Variants in MICAL1 observed in about 807,000 individuals in gnomAD.
MICAL1 encodes microtubule associated monooxygenase, calponin and LIM domain containing 1.
MICAL1 carries 95 observed loss-of-function variants against 131.8 expected under a neutral mutation model. That is an observed-to-expected ratio of 0.72 (90% CI 0.61 to 0.86). The LOEUF (loss-of-function observed/expected upper bound fraction) is 0.86, where lower values mean the gene tolerates loss of function less well. MICAL1 is among the 40% of genes least tolerant of loss of function. The pLI, the probability that MICAL1 is intolerant of heterozygous loss-of-function variation, is 0.00. For synonymous variants in MICAL1, 546 were observed against 554.2 expected (o/e 0.99, Z 0.21); for missense variants, 1,292 against 1,380.6 (o/e 0.94, Z 1.02).
In MICAL1 at chr6:109,454,014, C is replaced by G. The variant is rs1481579931; in HGVS notation, c.183G>C (p.Lys61Asn). 6.2e-7 allele frequency: 1 copy of G among 1,614,156 alleles called. No homozygotes were observed. The highest frequency in any genetic ancestry group is 1.7e-5 in the Admixed American group (1 of 60,034). The change falls in exon 2 of 25, where the codon AAG (lysine) becomes AAC (asparagine). Residue 61 changes from lysine (K) to asparagine (N), a missense_variant. By Grantham distance (94) the Lys-to-Asn change is moderately conservative. Coordinates refer to ENST00000358807, the MANE Select transcript of MICAL1 (RefSeq NM_022765.4). ...IKDQLNYWSA[K>N]SLWTKLDKRA... ...GCTTGTCCAGCTTGGTCCACAGTGA[C>G]TTGGCGCTCCAGTAGTTGAGCTGGT... is the stretch of plus-strand genomic sequence containing the variant.
chr6:109,447,201 C>G lies in MICAL1; in HGVS notation c.2099G>C (p.Cys700Ser). 1.9e-6 allele frequency: 3 copies of G among 1,614,114 alleles called. No homozygotes were observed. The highest frequency in any genetic ancestry group is 1.6e-4 in the Middle Eastern group (1 of 6,062). Reference sequence around the variant, plus strand: ...TTCCAGGACATAGAGGTGTTCCCCACAAAGTGCACACAGGTCCCCAGCACC... The same window carrying G: ...TTCCAGGACATAGAGGTGTTCCCCAGAAAGTGCACACAGGTCCCCAGCACC... The part of the protein sequence containing the change: ...EAGAGDLCAL[C>S]GEHLYVLERL... Residue 700 changes from cysteine to serine, a missense_variant, in exon 17 of 25, where the codon TGT becomes TCT. Transcript: ENST00000358807.
chr6:109,449,498 C>G lies in MICAL1; in HGVS notation c.1435-17G>C, dbSNP rs765808784. On this transcript the variant is annotated splice_polypyrimidine_tract_variant and intron_variant, in intron 10 of 24. Transcript: ENST00000358807. ...GTCTCGTACCTAAGGCAGCCCCGCT[C>G]AGGTCTCAAGGCAGGCTGGCCACAC... The G allele has an allele frequency of 3.7e-6, 6 of 1,614,046 alleles. No homozygotes were observed. Among genetic ancestry groups the G allele is most frequent in the Non-Finnish European group, 1.7e-6 (2 of 1,180,006 alleles).
intron 16 of MICAL1, 27 bp downstream of exon 16, chr6:109,447,330 T>G: frequency 6.2e-7 from 1 of 1,613,606 alleles, no homozygotes; most frequent in African/African-American, 1.3e-5. Context: ...CCCGGGCCTC[T>G]GCCTGCACAC....
chr6:109,449,650 G>T lies in MICAL1; in HGVS notation c.1434+7C>A. The T allele has an allele frequency of 6.3e-7, 1 of 1,584,532 alleles. No individual in the cohort carries two copies. The highest frequency in any genetic ancestry group is 8.6e-7 in the Non-Finnish European group (1 of 1,165,344). ...GGGAAGGCTGGTGGGTGTGTCGGGG[G>T]TCTGACCTGATTGGGGGTCACTGCC... On this transcript the variant is annotated splice_region_variant and intron_variant, in intron 10 of 24. Coordinates refer to ENST00000358807, the MANE Select transcript of MICAL1 (RefSeq NM_022765.4).
chr6:109,450,215 G>A, intron 8 of MICAL1, 85 bp downstream of exon 8: 1 of 1,564,420 alleles, frequency 6.4e-7, no homozygotes, highest in South Asian at 1.2e-5. Context: ...CCTCCCCTCT[G>A]CAGGCAGACC....
chr6:109,456,208 C>G (rs116729144), upstream of MICAL1, among the ~76,000 whole-genome samples: 2,559 of 152,336 alleles, frequency 0.017, 83 homozygotes, highest in African/African-American at 0.059. Context: ...CCCGCCCCCG[C>G]CGCGGTCCCA....
At chr6:109,460,442 AAAG>A (rs1465447771), upstream of MICAL1, among the ~76,000 whole-genome samples, 3 of 151,620 alleles carry the variant, frequency 2.0e-5, no homozygotes, top group Non-Finnish European at 4.4e-5. Context: ...AAAAAAAAAA[AAAG>A]AAATGTAATC....
chr6:109,461,185 T>TAGGGAAA (rs1775880136), intron 1 of MICAL1, among the ~76,000 whole-genome samples: 1 of 145,080 alleles, frequency 6.9e-6, no homozygotes, highest in Non-Finnish European at 1.5e-5. Flanking sequence ...AATTCCCATC[T>TAGGGAAA]ATGAGTGAGA....
At position 109,453,655 on chromosome 6, in the gene MICAL1, C is replaced by T. The variant is rs754999747; in HGVS notation, c.449G>A (p.Gly150Asp). ...AKKFYGRFCT[G>D]TLDHISIRQL... is the part of the protein sequence containing the mutation. ...GTGCTCACTGATGTGGTCCAGGGTG[C>T]CGGTGCAGAAGCGCCCGTAGAACTT... Residue 150 changes from glycine (G) to aspartate (D), a missense_variant, in exon 3 of 25, where the codon GGC becomes GAC. Transcript: ENST00000358807. 17 of 1,606,052 alleles carry T rather than the reference C, an allele frequency of 1.1e-5. No individual in the cohort carries two copies. The highest frequency in any genetic ancestry group is 1.4e-5 in the Non-Finnish European group (16 of 1,176,430).
intron 7 of MICAL1, 82 bp from the exon 8 acceptor site, chr6:109,450,639 G>T (rs1380974021): frequency 1.4e-6 from 2 of 1,464,604 alleles, no homozygotes; most frequent in African/African-American, 1.4e-5. Context: ...GGCGCAGAAG[G>T]TGCACATCCT....
In MICAL1 at chr6:109,449,427, TGTC is replaced by T. The variant is rs1440579294; in HGVS notation, c.1486_1488del (p.Asp496del). 3 of 1,614,218 alleles carry T rather than the reference TGTC, an allele frequency of 1.9e-6. No homozygotes were observed. The highest frequency in any genetic ancestry group is 2.5e-6 in the Non-Finnish European group (3 of 1,180,046). On this transcript the variant is annotated inframe_deletion, in exon 11 of 25. Transcript: ENST00000358807. ...GTGGCTGGCATCCCTGTATCTGTCT[TGTC>T]GTTGTTCCTCTGCACAGGCTCCTTG...
At position 109,449,582 on chromosome 6, in the gene MICAL1, G is replaced by A. The variant is rs1775421384; in HGVS notation, c.1434+75C>T. 10 of 1,602,320 alleles carry A rather than the reference G, an allele frequency of 6.2e-6. No individual in the cohort carries two copies. In the South Asian group the frequency reaches 9.9e-5, roughly 16 times the overall value. On this transcript the variant is annotated intron_variant, in intron 10 of 24. Transcript: ENST00000358807. Reference sequence around the variant, plus strand: ...GGTAGGATTGACCCCAAAGGGCAGCGACTGGGCAGGGAGGGCCTGACCTGG... The same window carrying A: ...GGTAGGATTGACCCCAAAGGGCAGCAACTGGGCAGGGAGGGCCTGACCTGG...
intron 13 of MICAL1, 62 bp downstream of exon 13, chr6:109,448,133 TCACACACA>T (rs3054663): frequency 0.39 from 557,051 of 1,441,822 alleles, 71,754 homozygotes; most frequent in African/African-American, 0.64. Flanking sequence ...TCTCCCTCTG[TCACACACA>T]CACACACACA....
intron 12 of MICAL1, 39 bp downstream of exon 12, chr6:109,448,691 ACT>A: frequency 1.2e-6 from 2 of 1,611,676 alleles, no homozygotes; most frequent in Non-Finnish European, 1.7e-6. Flanking sequence ...TAACTCCTAC[ACT>A]GAGATCATGA....
rs1192968790 is a variant in MICAL1, at chr6:109,446,688, G to A, written c.2304+8C>T. On this transcript the variant is annotated splice_region_variant and intron_variant, in intron 18 of 24. Coordinates refer to ENST00000358807, the MANE Select transcript of MICAL1 (RefSeq NM_022765.4). ...GCCCCAATATACATACACGCCTTCA[G>A]TCTTTACCGGACTCTCAGGGCCTCT... The A allele has an allele frequency of 1.2e-6, 2 of 1,613,186 alleles. No homozygotes were observed. The highest frequency in any genetic ancestry group is 1.7e-6 in the Non-Finnish European group (2 of 1,179,500).
At position 109,450,043 on chromosome 6, in the gene MICAL1, C is replaced by T. The variant is rs138706436; in HGVS notation, c.1234G>A (p.Ala412Thr). The change falls in exon 9 of 25, where the codon GCA (alanine) becomes ACA (threonine). Residue 412 changes from alanine to threonine, a missense_variant. Transcript: ENST00000358807. ...LGTGVARGFL[A>T]AFDAAWMVKR... ...ACCATCCAGGCTGCATCAAAGGCTG[C>T]CAGGAAGCCCCGTGCCACTCCAGTG... The T allele has an allele frequency of 6.1e-5, 99 of 1,613,992 alleles. No individual in the cohort carries two copies. Among genetic ancestry groups the T allele is most frequent in the Non-Finnish European group, 7.0e-5 (83 of 1,180,002 alleles).
At chr6:109,447,276 T>C (rs2115327566) in intron 16 of MICAL1, 47 bp from the exon 17 acceptor site, 1 of 1,613,882 alleles carries the variant, frequency 6.2e-7, no homozygotes, top group East Asian at 2.2e-5. Context: ...CAAGGCCAGC[T>C]CCAAAGTTCT....
chr6:109,464,914 T>C (rs1240361499), intron 1 of MICAL1: 1 of 152,216 alleles, frequency 6.6e-6, no homozygotes, highest in Non-Finnish European at 1.5e-5. Context: ...ACACAACACG[T>C]AGATCAACAT....
At chr6:109,456,097 G>T, upstream of MICAL1, 1 of 885,892 alleles carries the variant, frequency 1.1e-6, no homozygotes, top group Non-Finnish European at 1.4e-6. Flanking sequence ...GAGCTCGAGG[G>T]TCAGGGCGCC....
Sources: gnomAD v4.1 joint callset for allele counts (sites outside exome capture counted in the v4.1 genomes callset) on GRCh38, gnomAD v4.1.1 for gene constraint, MANE v1.5 for transcripts, NCBI Gene and HGNC (gene_info 2026-07-23, HGNC 2026-07-21) for gene names.